Variants in CMIP observed in about 807,000 individuals in gnomAD.
CMIP encodes c-Maf inducing protein.
In CMIP, 13 loss-of-function variants were observed where a neutral mutation model predicts 97.3. The observed-to-expected ratio is 0.13, with a 90% CI of 0.09 to 0.21. The LOEUF is 0.21. Ranked by LOEUF, CMIP falls within the 10% of genes least tolerant of loss-of-function variation. The pLI, the probability that CMIP is intolerant of heterozygous loss-of-function variation, is 1.00. For synonymous variants in CMIP, 538 were observed against 436.3 expected (o/e 1.23, Z -2.91); for missense variants, 847 against 1,024.9 (o/e 0.83, Z 2.37).
At position 81,704,081 on chromosome 16, in the gene CMIP, C is replaced by G; in HGVS notation, c.2087C>G (p.Thr696Ser). Residue 696 changes from threonine to serine, a missense_variant, in exon 18 of 21, where the codon ACT becomes AGT. Thr to Ser is a moderately conservative substitution (Grantham distance 58). Coordinates refer to ENST00000537098, the MANE Select transcript of CMIP (RefSeq NM_198390.3). The part of the protein sequence containing the change: ...PSLKQLNLWS[T>S]QFGDAGLRLL... Reference sequence around the variant, plus strand: ...CTCAAGCAGCTGAACCTGTGGTCCACTCAGGTACGTCCTCCCGCCCTGCTG... The same window carrying G: ...CTCAAGCAGCTGAACCTGTGGTCCAGTCAGGTACGTCCTCCCGCCCTGCTG... 6.2e-7 allele frequency: 1 copy of G among 1,603,980 alleles called. No individual in the cohort carries two copies. Among genetic ancestry groups the G allele is most frequent in the Non-Finnish European group, 8.5e-7 (1 of 1,176,262 alleles).
chr16:81,630,056 G>A (rs2092133015), intron 3 of CMIP: 1 of 152,224 alleles, frequency 6.6e-6, no homozygotes, highest in Admixed American at 6.5e-5. Context: ...GACTGCCCAG[G>A]TTCCAACCCT....
intron 1 of CMIP, among the ~76,000 whole-genome samples, chr16:81,568,695 G>T (rs530007401): frequency 1.3e-5 from 2 of 152,308 alleles, no homozygotes; most frequent in East Asian, 3.9e-4. Context: ...ACCTTGGCTC[G>T]TTCTGTTCAA....
chr16:81,545,322 G>C (rs2090525797), intron 1 of CMIP, among the ~76,000 whole-genome samples: 1 of 152,214 alleles, frequency 6.6e-6, no homozygotes, highest in Admixed American at 6.5e-5. Flanking sequence ...TGTATCACCA[G>C]CGCCTAGCAT....
chr16:81,482,973 C>T (rs1597465200), intron 1 of CMIP, among the ~76,000 whole-genome samples: 2 of 152,230 alleles, frequency 1.3e-5, no homozygotes, highest in Non-Finnish European at 2.9e-5. Context: ...ATTGCAGGCA[C>T]GGAGCAAAGC....
chr16:81,536,377 G>A lies in CMIP; in HGVS notation c.301-71190G>A, dbSNP rs143278600. ...AGTGTGGCCTGTGTGCTTGCTATTC[G>A]GTACCTCTCTCACCTGTCATTAACT... is the stretch of plus-strand genomic sequence containing the variant. On this transcript the variant is annotated intron_variant, in intron 1 of 20. Coordinates refer to ENST00000537098, the MANE Select transcript of CMIP (RefSeq NM_198390.3). 6.6e-4 allele frequency among the ~76,000 whole-genome samples: 100 copies of A among 152,070 alleles called. 1 individual carries two copies. The highest frequency in any genetic ancestry group is 6.8e-3 in the Middle Eastern group (2 of 294).
At chr16:81,693,296 G>A (rs756340856) in intron 12 of CMIP, 112 bp downstream of exon 12, 2 of 1,398,564 alleles carry the variant, frequency 1.4e-6, no homozygotes, top group Non-Finnish European at 2.0e-6. Flanking sequence ...CCTCTTGGCA[G>A]TTCTCTTGAG....
chr16:81,628,141 C>G (rs1488239982), intron 3 of CMIP, among the ~76,000 whole-genome samples: 2 of 152,164 alleles, frequency 1.3e-5, no homozygotes, highest in Non-Finnish European at 2.9e-5. Flanking sequence ...TCCTGAGGCT[C>G]TGGACCGGGC....
chr16:81,530,248 G>C (rs1014223248), intron 1 of CMIP, among the ~76,000 whole-genome samples: 6 of 152,160 alleles, frequency 3.9e-5, no homozygotes, highest in Non-Finnish European at 5.9e-5. Flanking sequence ...TCTTACTAGA[G>C]GATTCTGATA....
chr16:81,467,268 C>T (rs1401656940), intron 1 of CMIP, among the ~76,000 whole-genome samples: 1 of 152,208 alleles, frequency 6.6e-6, no homozygotes, highest in East Asian at 1.9e-4. Context: ...GTGTTCCCAT[C>T]CCAGATGAGG....
At chr16:81,530,716 T>C (rs964819599) in intron 1 of CMIP, among the ~76,000 whole-genome samples, 1 of 152,158 alleles carries the variant, frequency 6.6e-6, no homozygotes, top group Non-Finnish European at 1.5e-5. Context: ...CACCGGGTAG[T>C]GGAAATGTCA....
chr16:81,676,152 A>C (rs958397540), intron 9 of CMIP, among the ~76,000 whole-genome samples: 3 of 152,084 alleles, frequency 2.0e-5, no homozygotes, highest in Non-Finnish European at 4.4e-5. Flanking sequence ...GGCGAGGGTG[A>C]GATGGTGCCT....
chr16:81,506,490 G>A (rs1264295446), intron 1 of CMIP, among the ~76,000 whole-genome samples: 1 of 152,188 alleles, frequency 6.6e-6, no homozygotes, highest in East Asian at 1.9e-4. Context: ...GCCTTGTATT[G>A]TGGAAATAAC....
At chr16:81,674,336 T>C (rs529783933) in intron 9 of CMIP, among the ~76,000 whole-genome samples, 2 of 152,326 alleles carry the variant, frequency 1.3e-5, no homozygotes, top group Admixed American at 1.3e-4. Flanking sequence ...TTTCACCATG[T>C]TAGCCAGGAT....
chr16:81,583,635 A>C (rs909665493), intron 1 of CMIP, among the ~76,000 whole-genome samples: 3 of 152,186 alleles, frequency 2.0e-5, no homozygotes, highest in African/African-American at 7.2e-5. Flanking sequence ...TCTCACTGTC[A>C]GCCCCAACCG....
intron 3 of CMIP, chr16:81,645,459 C>G (rs1304593502): frequency 6.6e-7 from 1 of 1,526,096 alleles, no homozygotes; most frequent in Non-Finnish European, 8.8e-7. Context: ...AGTCACTCCT[C>G]TCCTGGCAAG....
intron 1 of CMIP, among the ~76,000 whole-genome samples, chr16:81,499,201 A>C (rs1285602093): frequency 6.6e-6 from 1 of 152,088 alleles, no homozygotes; most frequent in Non-Finnish European, 1.5e-5. Flanking sequence ...CACACTGTGA[A>C]CGTGTCCCAG....
At chr16:81,487,689 G>C (rs2125202) in intron 1 of CMIP, among the ~76,000 whole-genome samples, 85,220 of 152,040 alleles carry the variant, frequency 0.56, 24,328 homozygotes, top group East Asian at 0.79. Flanking sequence ...CTTGCTTTAT[G>C]TGCAAACTGT....
chr16:81,682,014 C>T (rs1307595228), intron 10 of CMIP, among the ~76,000 whole-genome samples: 8 of 151,538 alleles, frequency 5.3e-5, no homozygotes, highest in Non-Finnish European at 1.2e-4. Context: ...ACCAGCCTGG[C>T]CAACGTGACG....
rs548077619 is a variant in CMIP, at chr16:81,483,962, A to T, written c.300+38421A>T. ...TTGTCATAAACTGGGAACTTGTGTA[A>T]GGTGGCATCCAGTTTAGTTCAATCC... is the stretch of plus-strand genomic sequence containing the variant. On this transcript the variant is annotated intron_variant, in intron 1 of 20. Coordinates refer to ENST00000537098, the MANE Select transcript of CMIP (RefSeq NM_198390.3). 2.0e-5 allele frequency among the ~76,000 whole-genome samples: 3 copies of T among 152,258 alleles called. No individual in the cohort carries two copies. In the East Asian group the frequency reaches 5.8e-4, roughly 29 times the overall value.
Sources: allele counts gnomAD v4.1 joint callset (sites outside exome capture counted in the v4.1 genomes callset), GRCh38; gene constraint gnomAD v4.1.1; transcripts MANE v1.5; gene names NCBI Gene and HGNC (gene_info 2026-07-23, HGNC 2026-07-21).